LRRFIP2: variants seen among roughly 807,000 people sequenced by gnomAD.
LRRFIP2 encodes LRR binding FLII interacting protein 2.
LRRFIP2 carries 109 observed loss-of-function variants against 125.9 expected under a neutral mutation model. That is an observed-to-expected ratio of 0.87 (90% CI 0.74 to 1.01). The LOEUF (loss-of-function observed/expected upper bound fraction) is 1.01. Ranked by LOEUF, LRRFIP2 falls within the 50% of genes least tolerant of loss-of-function variation. The probability of loss-of-function intolerance (pLI) is 0.00; values close to 1 mark genes in which losing one functional copy is unlikely to be tolerated. For missense variants in LRRFIP2, 850 were observed against 862.3 expected (o/e 0.99, Z 0.18); for synonymous variants, 291 against 293.1 (o/e 0.99, Z 0.07).
chr3:37,062,228 A>G (rs1212922272), intron 24 of LRRFIP2, among the ~76,000 whole-genome samples: 1 of 152,188 alleles, frequency 6.6e-6, no homozygotes, highest in Admixed American at 6.5e-5. Flanking sequence ...ATCATATAAT[A>G]TTGTCTGATG....
intron 15 of LRRFIP2, among the ~76,000 whole-genome samples, chr3:37,101,699 A>C (rs2094064864): frequency 6.6e-6 from 1 of 151,630 alleles, no homozygotes; most frequent in African/African-American, 2.4e-5. Context: ...AAGAAGAAGA[A>C]AGAAAGAAAA....
chr3:37,167,644 A>G (rs925438486), intron 1 of LRRFIP2, among the ~76,000 whole-genome samples: 1 of 145,384 alleles, frequency 6.9e-6, no homozygotes, highest in African/African-American at 2.6e-5. Flanking sequence ...ACAGAGCAAC[A>G]CTCTGTCTCA....
At chr3:37,081,985 C>T (rs1180499256) in intron 19 of LRRFIP2, among the ~76,000 whole-genome samples, 3 of 149,898 alleles carry the variant, frequency 2.0e-5, no homozygotes, top group Non-Finnish European at 4.4e-5. Flanking sequence ...GAGGGAAAAA[C>T]TAAGTTGGTT....
chr3:37,096,632 G>A lies in LRRFIP2; in HGVS notation c.902C>T (p.Ala301Val). Residue 301 changes from alanine (A) to valine (V), a missense_variant, in exon 16 of 28, where the codon GCT becomes GTT. Ala to Val is a moderately conservative substitution (Grantham distance 64). Coordinates refer to ENST00000336686, the MANE Select transcript of LRRFIP2 (RefSeq NM_006309.4). Reference sequence around the variant, plus strand: ...CATACTCACTCTTGTATAATTTTCAGCATACTGTTTGTCAGATTTTTCATC... The same window carrying A: ...CATACTCACTCTTGTATAATTTTCAACATACTGTTTGTCAGATTTTTCATC... ...SLDEKSDKQY[A>V]ENYTRPSSRN... The A allele has an allele frequency of 1.9e-6, 3 of 1,567,584 alleles. No homozygotes were observed. The highest frequency in any genetic ancestry group is 2.6e-6 in the Non-Finnish European group (3 of 1,145,952).
At chr3:37,163,227 C>A (rs2096392620) in intron 1 of LRRFIP2, among the ~76,000 whole-genome samples, 1 of 152,192 alleles carries the variant, frequency 6.6e-6, no homozygotes, top group African/African-American at 2.4e-5. Flanking sequence ...CCTTTCACAG[C>A]CTCAGTTGAT....
At chr3:37,150,154 G>A (rs2095978656) in intron 1 of LRRFIP2, among the ~76,000 whole-genome samples, 1 of 152,036 alleles carries the variant, frequency 6.6e-6, no homozygotes, top group Admixed American at 6.5e-5. Flanking sequence ...GAAGAAAACT[G>A]ATATAGTCAA....
rs538316455 is a variant in LRRFIP2 at position 37,149,500 on chromosome 3, G to C, written c.-55-462C>G. ...CCACAGCACTCCAGCTTGGGAGACG[G>C]AGCAAGACTCTGTCTCAAAATAAAT... On this transcript the variant is annotated intron_variant, in intron 1 of 27. Coordinates refer to ENST00000336686, the MANE Select transcript of LRRFIP2 (RefSeq NM_006309.4). Among the ~76,000 whole-genome samples, 24 of 152,026 alleles carry C rather than the reference G, an allele frequency of 1.6e-4. No individual in the cohort carries two copies. The South Asian group carries it at 4.8e-3, about 30-fold the overall frequency.
chr3:37,064,734 G>C (rs2089724206), intron 23 of LRRFIP2: 1 of 152,202 alleles, frequency 6.6e-6, no homozygotes, highest in African/African-American at 2.4e-5. Context: ...AGATACCATG[G>C]TTCACTTAAA....
At chr3:37,128,769 G>A (rs1363929106) in intron 3 of LRRFIP2, among the ~76,000 whole-genome samples, 1 of 152,198 alleles carries the variant, frequency 6.6e-6, no homozygotes, top group East Asian at 1.9e-4. Flanking sequence ...GACAATTAAA[G>A]CTATACTACA....
intron 4 of LRRFIP2, 87 bp from the exon 5 acceptor site, chr3:37,121,778 A>G (rs2095054904): frequency 1.5e-6 from 2 of 1,295,500 alleles, no homozygotes; most frequent in African/African-American, 2.9e-5. Flanking sequence ...GTCAGTTAAC[A>G]GCACAGCAAC....
intron 1 of LRRFIP2, among the ~76,000 whole-genome samples, chr3:37,157,262 G>C (rs1211578778): frequency 1.3e-5 from 2 of 152,162 alleles, no homozygotes; most frequent in African/African-American, 2.4e-5. Context: ...GGGCAACATG[G>C]AGAAACCCTG....
At chr3:37,127,513 T>G in intron 4 of LRRFIP2, 117 bp downstream of exon 4, 1 of 980,690 alleles carries the variant, frequency 1.0e-6, no homozygotes, top group Non-Finnish European at 1.6e-6. Context: ...ACTCTGACCT[T>G]TAGGTTCACA....
At chr3:37,124,151 T>C (rs1047176976) in intron 4 of LRRFIP2, among the ~76,000 whole-genome samples, 1 of 152,234 alleles carries the variant, frequency 6.6e-6, no homozygotes, top group African/African-American at 2.4e-5. Context: ...TGTGCTAATG[T>C]AGTACCCACT....
At chr3:37,123,336 C>G (rs919532368) in intron 4 of LRRFIP2, among the ~76,000 whole-genome samples, 10 of 152,152 alleles carry the variant, frequency 6.6e-5, no homozygotes, top group Non-Finnish European at 1.3e-4. Context: ...GGACCACAGG[C>G]ACCCACCACC....
intron 16 of LRRFIP2, 138 bp from the exon 17 acceptor site, chr3:37,095,046 A>G (rs572507074): frequency 6.3e-6 from 4 of 637,686 alleles, no homozygotes; most frequent in African/African-American, 3.6e-5. Context: ...TCAATGGTCA[A>G]TTTAGATTGG....
At chr3:37,169,856 T>C (rs2096561546) in intron 1 of LRRFIP2, among the ~76,000 whole-genome samples, 1 of 152,240 alleles carries the variant, frequency 6.6e-6, no homozygotes, top group African/African-American at 2.4e-5. Context: ...AAGGTGTTTA[T>C]ATTCCACCTC....
chr3:37,129,674 A>G (rs2095375878), intron 2 of LRRFIP2, among the ~76,000 whole-genome samples: 1 of 152,182 alleles, frequency 6.6e-6, no homozygotes, highest in African/African-American at 2.4e-5. Flanking sequence ...CAGAATTCAC[A>G]TATCATCAAA....
At chr3:37,105,544 T>C (rs779925453) in intron 13 of LRRFIP2, 21 bp from the exon 14 acceptor site, 23 of 1,601,804 alleles carry the variant, frequency 1.4e-5, no homozygotes, top group Non-Finnish European at 2.0e-5. Context: ...TAAATGCAGA[T>C]AATGAAAAAG....
chr3:37,131,825 G>A (rs1039318848), intron 2 of LRRFIP2, among the ~76,000 whole-genome samples: 2 of 152,210 alleles, frequency 1.3e-5, no homozygotes, highest in Non-Finnish European at 2.9e-5. Flanking sequence ...GCATGTAGGA[G>A]GGAGAAATTA....
Sources: allele counts gnomAD v4.1 joint callset (sites outside exome capture counted in the v4.1 genomes callset), GRCh38; gene constraint gnomAD v4.1.1; transcripts MANE v1.5; gene names NCBI Gene and HGNC (gene_info 2026-07-23, HGNC 2026-07-21).